The following AK5 variants were observed in gnomAD, a reference collection of about 807,000 sequenced individuals.
The protein encoded by AK5 is adenylate kinase isoenzyme 5.
Under a neutral mutation model 69.5 loss-of-function variants are expected in AK5, and 27 were observed. The ratio of observed to expected loss-of-function variants is 0.39; its 90% CI spans 0.29 to 0.54. The LOEUF (loss-of-function observed/expected upper bound fraction) is 0.54. Ranked by LOEUF, AK5 falls within the 20% of genes least tolerant of loss-of-function variation. AK5 has a pLI of 0.71. For missense variants in AK5, 531 were observed against 700.4 expected (o/e 0.76, Z 2.73); for synonymous variants, 260 against 244.4 (o/e 1.06, Z -0.60).
At chr1:77,519,613 C>T (rs1262715479) in intron 11 of AK5, among the ~76,000 whole-genome samples, 1 of 152,218 alleles carries the variant, frequency 6.6e-6, no homozygotes, top group Non-Finnish European at 1.5e-5. Context: ...AAAGCAGCCC[C>T]AAGGGCTACT....
intron 8 of AK5, among the ~76,000 whole-genome samples, chr1:77,449,146 G>A (rs748253140): frequency 1.3e-5 from 2 of 152,140 alleles, no homozygotes; most frequent in Non-Finnish European, 2.9e-5. Context: ...CCCCAGAATT[G>A]TAGATCCACA....
intron 6 of AK5, among the ~76,000 whole-genome samples, chr1:77,375,784 G>T (rs981869387): frequency 2.0e-5 from 3 of 152,126 alleles, no homozygotes; most frequent in African/African-American, 7.2e-5. Context: ...GGTTGTGTAT[G>T]GGAGATAGTG....
intron 8 of AK5, among the ~76,000 whole-genome samples, chr1:77,437,118 A>T (rs1432349074): frequency 6.6e-6 from 1 of 152,158 alleles, no homozygotes; most frequent in Non-Finnish European, 1.5e-5. Flanking sequence ...AATTCTTAAG[A>T]CATTTCTGTT....
chr1:77,448,084 T>C (rs2803164), intron 8 of AK5, among the ~76,000 whole-genome samples: 150,278 of 152,270 alleles, frequency 0.99, 74,187 homozygotes, highest in Middle Eastern at 1. Flanking sequence ...AGGTCCCCCT[T>C]GACATGAACA....
At chr1:77,455,618 T>C (rs1166174126) in intron 8 of AK5, among the ~76,000 whole-genome samples, 2 of 152,154 alleles carry the variant, frequency 1.3e-5, no homozygotes, top group Non-Finnish European at 2.9e-5. Context: ...AACGGTGAGC[T>C]ATAAATTTCC....
At chr1:77,416,464 A>C (rs1307405318) in intron 7 of AK5, among the ~76,000 whole-genome samples, 1 of 152,344 alleles carries the variant, frequency 6.6e-6, no homozygotes, top group East Asian at 1.9e-4. Flanking sequence ...TAGTATGTCC[A>C]TTTTGAAAAA....
At chr1:77,501,038 A>G (rs1300402183) in intron 10 of AK5, among the ~76,000 whole-genome samples, 3 of 152,178 alleles carry the variant, frequency 2.0e-5, no homozygotes, top group Non-Finnish European at 2.9e-5. Context: ...AGAAACCACA[A>G]TGGTTGGAGT....
At chr1:77,497,167 G>A (rs1034307771) in intron 10 of AK5, among the ~76,000 whole-genome samples, 1 of 152,236 alleles carries the variant, frequency 6.6e-6, no homozygotes, top group African/African-American at 2.4e-5. Context: ...CCCACTGGGA[G>A]GAACAAACAA....
intron 8 of AK5, among the ~76,000 whole-genome samples, chr1:77,443,418 C>A (rs1368686648): frequency 1.3e-5 from 2 of 152,118 alleles, no homozygotes; most frequent in African/African-American, 2.4e-5. Context: ...CCTCTTCAAG[C>A]CTGCATTTGT....
intron 6 of AK5, among the ~76,000 whole-genome samples, chr1:77,393,666 T>G (rs916812310): frequency 6.6e-6 from 1 of 152,288 alleles, no homozygotes; most frequent in East Asian, 1.9e-4. Flanking sequence ...TGCAAAGTTC[T>G]GTACTAATAA....
intron 13 of AK5, among the ~76,000 whole-genome samples, chr1:77,539,498 A>G (rs1194169928): frequency 6.6e-6 from 1 of 152,096 alleles, no homozygotes; most frequent in East Asian, 1.9e-4. Context: ...TCCCCTACCC[A>G]CACAGCTGCA....
At chr1:77,372,551 C>G (rs916586631) in intron 6 of AK5, among the ~76,000 whole-genome samples, 1 of 152,110 alleles carries the variant, frequency 6.6e-6, no homozygotes. Flanking sequence ...ATTTAACTTA[C>G]AGTGTCAAAA....
Position 77,287,051 on chromosome 1 carries a change from T to TA in AK5, c.172dup (p.Thr58AsnfsTer29). 6.2e-7 allele frequency: 1 copy of TA among 1,609,764 alleles called. No homozygotes were observed. Among genetic ancestry groups the TA allele is most frequent in the Non-Finnish European group, 8.5e-7 (1 of 1,177,822 alleles). Reference sequence around the variant, plus strand: ...GTGGCTGTGACAAGGTGAAATGGGATACATTTGTAAGCCAGGAAAAGAAGA... The same window carrying TA: ...GTGGCTGTGACAAGGTGAAATGGGATAACATTTGTAAGCCAGGAAAAGAAGA... On this transcript the variant is annotated frameshift_variant, in exon 2 of 14. Transcript: ENST00000354567. LOFTEE classifies it high-confidence loss of function.
chr1:77,483,041 G>A lies in AK5; in HGVS notation c.1060-276G>A, dbSNP rs111828507. On this transcript the variant is annotated intron_variant, in intron 8 of 13. Transcript: ENST00000354567. ...AAAAAAAAAAAAAAAAAAAAAAAAA[G>A]AGGTGAGATACTGTACTGGTTAAGA... Among the ~76,000 whole-genome samples, 293 of 108,228 alleles carry A rather than the reference G, an allele frequency of 2.7e-3. 1 individual carries two copies. Among genetic ancestry groups the A allele is most frequent in the Middle Eastern group, 7.6e-3 (1 of 132 alleles). 71.0% of individuals were successfully genotyped at this position (108,228 alleles called of 152,430 possible).
At chr1:77,374,931 A>G (rs914634008) in intron 6 of AK5, among the ~76,000 whole-genome samples, 1 of 151,990 alleles carries the variant, frequency 6.6e-6, no homozygotes, top group African/African-American at 2.4e-5. Context: ...TTCTTACCAA[A>G]CTCTTAAAAT....
chr1:77,322,393 C>T (rs1660580230), intron 5 of AK5, among the ~76,000 whole-genome samples: 1 of 152,094 alleles, frequency 6.6e-6, no homozygotes, highest in Admixed American at 6.5e-5. Context: ...ATTTTACCGG[C>T]TACTTTATCT....
chr1:77,393,468 T>A (rs528554127), intron 6 of AK5, among the ~76,000 whole-genome samples: 3 of 152,312 alleles, frequency 2.0e-5, no homozygotes, highest in African/African-American at 7.2e-5. Flanking sequence ...ATTTATGAAA[T>A]AAATGTAAAA....
At chr1:77,338,362 C>G (rs1661478468) in intron 5 of AK5, among the ~76,000 whole-genome samples, 1 of 152,128 alleles carries the variant, frequency 6.6e-6, no homozygotes, top group Non-Finnish European at 1.5e-5. Context: ...ACTAAGTCTT[C>G]TAGCTAAGAG....
At chr1:77,358,018 T>TGTGTGTGTGTGTGTGTGTGAGAGAGAGA (rs762714026) in intron 6 of AK5, among the ~76,000 whole-genome samples, 1 of 128,178 alleles carries the variant, frequency 7.8e-6, no homozygotes, top group South Asian at 2.9e-4. Flanking sequence ...TGTGTGTGTG[T>TGTGTGTGTGTGTGTGTGTGAGAGAGAGA]GAGAGAGAGA....
Sources: allele counts gnomAD v4.1 joint callset (sites outside exome capture counted in the v4.1 genomes callset), GRCh38; gene constraint gnomAD v4.1.1; transcripts MANE v1.5; gene names NCBI Gene and HGNC (gene_info 2026-07-23, HGNC 2026-07-21).